The following MRPL43 variants were observed in gnomAD, a reference collection of about 807,000 sequenced individuals.
MRPL43 encodes mitochondrial ribosomal protein L43, also known as large ribosomal subunit protein mL43.
A neutral mutation model predicts 12.7 loss-of-function variants in MRPL43; 9 were observed. The observed-to-expected ratio is 0.71, with a 90% CI of 0.43 to 1.24. The LOEUF is 1.24. Ranked by LOEUF, MRPL43 falls within the 50% of genes most tolerant of loss-of-function variation. MRPL43 has a pLI of 0.00. For synonymous variants in MRPL43, 116 were observed against 96.4 expected, an observed-to-expected ratio of 1.20 and a Z score of -1.19; for missense variants, 211 against 229.2, an observed-to-expected ratio of 0.92 and a Z score of 0.51.
At chr10:100,987,049 C>A in intron 2 of MRPL43, 41 bp downstream of exon 2, 1 of 1,609,446 alleles carries the variant, frequency 6.2e-7, no homozygotes, top group Non-Finnish European at 8.5e-7. Flanking sequence ...GCGGGTCGAG[C>A]CCCTGATCCC....
downstream of MRPL43, chr10:100,985,404 G>A (rs1339982424): frequency 3.9e-5 from 6 of 153,360 alleles, no homozygotes; most frequent in African/African-American, 1.4e-4. Flanking sequence ...TTTTGTAGCT[G>A]AGAACGTGGA....
downstream of MRPL43, chr10:100,978,972 A>C: frequency 6.2e-7 from 1 of 1,614,176 alleles, no homozygotes; most frequent in Non-Finnish European, 8.5e-7. Context: ...AGCTTCACTC[A>C]GAGCCGCAGC....
downstream of MRPL43, chr10:100,980,658 C>T (rs1253166327): frequency 6.2e-7 from 1 of 1,614,030 alleles, no homozygotes; most frequent in Non-Finnish European, 8.5e-7. Flanking sequence ...CAGGGAGTCC[C>T]AGTCTGTGGA....
At chr10:100,984,431 G>C, downstream of MRPL43, 1 of 1,491,796 alleles carries the variant, frequency 6.7e-7, no homozygotes, top group Non-Finnish European at 8.9e-7. Flanking sequence ...AACACTTATA[G>C]GTGAGGACTC....
chr10:100,987,268 T>G (rs1475371576), intron 1 of MRPL43, 45 bp downstream of exon 1: 1 of 1,611,868 alleles, frequency 6.2e-7, no homozygotes, highest in East Asian at 2.2e-5. Flanking sequence ...CGTTGCCACC[T>G]CCACACCCAC....
At chr10:100,979,451 C>G (rs1850951199), downstream of MRPL43, 1 of 1,466,680 alleles carries the variant, frequency 6.8e-7, no homozygotes, top group Non-Finnish European at 9.1e-7. Flanking sequence ...GGCGCGATCT[C>G]GGCTCACTGC....
downstream of MRPL43, chr10:100,984,930 A>G: frequency 2.8e-6 from 4 of 1,442,570 alleles, no homozygotes; most frequent in Non-Finnish European, 3.6e-6. Flanking sequence ...CCCCATGCAC[A>G]TGTGGTAACA....
chr10:100,978,219 C>A (rs1044658437), downstream of MRPL43: 18 of 1,079,992 alleles, frequency 1.7e-5, no homozygotes, highest in Non-Finnish European at 2.2e-5. Flanking sequence ...GATCCCTGAC[C>A]CCAGACTGAT....
chr10:100,983,823 G>T, downstream of MRPL43: 1 of 1,600,664 alleles, frequency 6.2e-7, no homozygotes, highest in East Asian at 2.3e-5. Context: ...GTGTCCTGGA[G>T]AGGAAGATGA....
downstream of MRPL43, chr10:100,983,911 C>T (rs746344453): frequency 7.2e-6 from 11 of 1,525,862 alleles, no homozygotes; most frequent in East Asian, 2.4e-5. Flanking sequence ...CCAGCCCCAC[C>T]ACCCCCACCG....
At chr10:100,979,791 TG>T, downstream of MRPL43, 1 of 1,597,692 alleles carries the variant, frequency 6.3e-7, no homozygotes, top group East Asian at 2.2e-5. Context: ...GAGCACGAGT[TG>T]GGGGGCAGGC....
chr10:100,981,661 T>A, downstream of MRPL43: 1 of 1,266,790 alleles, frequency 7.9e-7, no homozygotes, highest in Non-Finnish European at 1.1e-6. Flanking sequence ...AGCATTCTTA[T>A]GAGAAAGGTG....
At chr10:100,984,969 T>G, downstream of MRPL43, 1 of 1,394,844 alleles carries the variant, frequency 7.2e-7, no homozygotes, top group Non-Finnish European at 9.4e-7. Flanking sequence ...GTGCTTACAT[T>G]TCCACTCACA....
rs759060196 is a variant in MRPL43, at chr10:100,986,881, G to A, written c.333C>T (p.Asp111=). 277 of 1,613,046 alleles carry A rather than the reference G, an allele frequency of 1.7e-4. 3 individuals are homozygous for A. The highest frequency in any genetic ancestry group is 1.5e-3 in the Middle Eastern group (9 of 6,084). Residue 111 remains aspartate (D), a synonymous_variant, in exon 3 of 3, where the codon GAC becomes GAT. Transcript: ENST00000318364. ...GGAAGGGCTTGCGGATGCGGATCACGTCCAAGCCCGACTGGTCGGCCAGCT... is the reference window on the plus strand; with the variant it reads ...GGAAGGGCTTGCGGATGCGGATCACATCCAAGCCCGACTGGTCGGCCAGCT... The part of the protein sequence containing the change: ...VQKLADQSGL[D]VIRIRKPFHT...
downstream of MRPL43, chr10:100,979,974 T>C (rs756226933): frequency 4.3e-6 from 7 of 1,614,060 alleles, no homozygotes; most frequent in South Asian, 7.7e-5. Flanking sequence ...GTGGGGTGCC[T>C]GAGCCCCGGC....
At chr10:100,979,976 AG>A, downstream of MRPL43, 1 of 1,613,992 alleles carries the variant, frequency 6.2e-7, no homozygotes, top group Non-Finnish European at 8.5e-7. Flanking sequence ...GGGGTGCCTG[AG>A]CCCCGGCCTG....
At chr10:100,980,270 G>A (rs764503702), downstream of MRPL43, 21 of 1,614,220 alleles carry the variant, frequency 1.3e-5, no homozygotes, top group East Asian at 2.7e-4. Flanking sequence ...CGCAACATAC[G>A]CTACACACAC....
chr10:100,980,872 C>T (rs1851036004), downstream of MRPL43: 24 of 1,609,148 alleles, frequency 1.5e-5, no homozygotes, highest in African/African-American at 2.7e-5. Flanking sequence ...TACCACTCTC[C>T]AGCTGCTCCC....
downstream of MRPL43, chr10:100,983,580 G>A (rs902133075): frequency 2.5e-6 from 4 of 1,613,946 alleles, no homozygotes; most frequent in African/African-American, 5.3e-5. Context: ...AGCCACTCCT[G>A]CCCCAGCTCC....
Sources: gnomAD v4.1 joint callset for allele counts on GRCh38, gnomAD v4.1.1 for gene constraint, MANE v1.5 for transcripts, NCBI Gene and HGNC (gene_info 2026-07-23, HGNC 2026-07-21) for gene names.